HLF: variants seen among roughly 807,000 people sequenced by gnomAD.
The protein encoded by HLF is hepatic leukemia factor.
Under a neutral mutation model 22.6 loss-of-function variants are expected in HLF, and 3 were observed. The ratio of observed to expected loss-of-function variants is 0.13; its 90% CI spans 0.06 to 0.34. The LOEUF (loss-of-function observed/expected upper bound fraction) is 0.34. Among genes scored for constraint, HLF ranks in the 10% least tolerant of loss-of-function variants. The pLI, the probability that HLF is intolerant of heterozygous loss-of-function variation, is 1.00. For synonymous variants in HLF, 151 were observed against 151.8 expected, an observed-to-expected ratio of 0.99 and a Z score of 0.04; for missense variants, 299 against 389.2, an observed-to-expected ratio of 0.77 and a Z score of 1.95.
intron 2 of HLF, among the ~76,000 whole-genome samples, chr17:55,277,780 G>C (rs1325214552): frequency 1.3e-5 from 2 of 152,140 alleles, no homozygotes; most frequent in African/African-American, 2.4e-5. Context: ...TGTCAAGGTG[G>C]GCAATTTCAC....
At chr17:55,291,504 C>T (rs1228433094) in intron 2 of HLF, among the ~76,000 whole-genome samples, 7 of 152,206 alleles carry the variant, frequency 4.6e-5, no homozygotes, top group Admixed American at 3.3e-4. Context: ...TTTGAGCCCA[C>T]TGTTAAGACC....
intron 2 of HLF, among the ~76,000 whole-genome samples, chr17:55,313,359 CGTGTGTGT>C (rs58593405): frequency 5.4e-5 from 8 of 147,130 alleles, no homozygotes; most frequent in African/African-American, 2.0e-4. Flanking sequence ...GAGGTGTGTG[CGTGTGTGT>C]GTGTGTGTGT....
At chr17:55,301,145 A>G (rs543361016) in intron 2 of HLF, among the ~76,000 whole-genome samples, 1 of 152,348 alleles carries the variant, frequency 6.6e-6, no homozygotes, top group South Asian at 2.1e-4. Context: ...CTCCAAAGAT[A>G]GGGATTTGTG....
chr17:55,268,880 G>A (rs373376976), intron 2 of HLF, among the ~76,000 whole-genome samples: 22 of 152,208 alleles, frequency 1.4e-4, no homozygotes, highest in African/African-American at 5.1e-4. Context: ...AAAACCCACT[G>A]CTAATGCTCA....
intron 2 of HLF, among the ~76,000 whole-genome samples, chr17:55,297,531 T>C (rs1307751819): frequency 6.6e-6 from 1 of 151,950 alleles, no homozygotes; most frequent in African/African-American, 2.4e-5. Context: ...CTTAGGAAAT[T>C]AGGGTGGTTA....
chr17:55,287,186 TACATTGAA>T (rs1317468616), intron 2 of HLF, among the ~76,000 whole-genome samples: 1 of 152,240 alleles, frequency 6.6e-6, no homozygotes, highest in African/African-American at 2.4e-5. Flanking sequence ...AGTCACCCTG[TACATTGAA>T]AGAGGTCTTC....
chr17:55,297,738 C>CTTTTTTT (rs34900287), intron 2 of HLF, among the ~76,000 whole-genome samples: 88 of 62,868 alleles, frequency 1.4e-3, no homozygotes, highest in East Asian at 4.1e-3. Flanking sequence ...AACAGCATTT[C>CTTTTTTT]TTTTTTTTTT....
At chr17:55,278,002 A>G (rs1347506485) in intron 2 of HLF, among the ~76,000 whole-genome samples, 2 of 151,992 alleles carry the variant, frequency 1.3e-5, no homozygotes, top group African/African-American at 2.4e-5. Context: ...ATCCAATCTC[A>G]TTTTCTTTCC....
intron 2 of HLF, among the ~76,000 whole-genome samples, chr17:55,286,798 G>A (rs895243957): frequency 1.8e-4 from 27 of 152,260 alleles, no homozygotes; most frequent in African/African-American, 6.3e-4. Flanking sequence ...ATCCAGCCAA[G>A]CAACAACCAA....
At chr17:55,296,244 C>T (rs148308031) in intron 2 of HLF, among the ~76,000 whole-genome samples, 15 of 152,178 alleles carry the variant, frequency 9.9e-5, no homozygotes, top group African/African-American at 3.4e-4. Context: ...CTGGACCAGT[C>T]GTTCTCAATC....
intron 2 of HLF, chr17:55,289,097 C>A: frequency 5.2e-6 from 1 of 193,104 alleles, no homozygotes; most frequent in Non-Finnish European, 9.5e-6. Context: ...AGGAGAATGC[C>A]TCTTCTCTCC....
chr17:55,269,262 A>G lies in HLF; in HGVS notation c.451+1176A>G, dbSNP rs182147098. 3.3e-5 allele frequency among the ~76,000 whole-genome samples: 5 copies of G among 152,280 alleles called. No individual in the cohort carries two copies. The East Asian group carries it at 7.7e-4, about 23-fold the overall frequency. ...CCTCTGTGTGCTGGCCCCTTCTCCA[A>G]AATTCACTTTGAATTATAACTCAAG... On this transcript the variant is annotated intron_variant, in intron 2 of 3. Coordinates refer to ENST00000226067, the MANE Select transcript of HLF (RefSeq NM_002126.5).
chr17:55,302,604 C>T (rs539962104), intron 2 of HLF, among the ~76,000 whole-genome samples: 8 of 152,226 alleles, frequency 5.3e-5, no homozygotes, highest in African/African-American at 1.9e-4. Flanking sequence ...AATATTGTCG[C>T]TGATTTCGTC....
At position 55,303,458 on chromosome 17, in the gene HLF, CTT is replaced by C. The variant is rs1904393007; in HGVS notation, c.452-11767_452-11766del. ...CCCTTCTCCCACCATAGTTCTGTAA[CTT>C]TGGGATGGAGTGAGAAGCATGGCAT... On this transcript the variant is annotated intron_variant, in intron 2 of 3. Transcript: ENST00000226067. Among the ~76,000 whole-genome samples the C allele has an allele frequency of 2.0e-5, 3 of 152,174 alleles. No individual in the cohort carries two copies. The South Asian group carries it at 6.2e-4, about 32-fold the overall frequency.
intron 2 of HLF, among the ~76,000 whole-genome samples, chr17:55,284,972 CT>C (rs1201050474): frequency 2.0e-5 from 3 of 152,176 alleles, no homozygotes; most frequent in African/African-American, 4.8e-5. Flanking sequence ...CAATGGATCT[CT>C]TTTGAGGCCA....
chr17:55,299,091 T>C (rs996754058), intron 2 of HLF, among the ~76,000 whole-genome samples: 7 of 152,224 alleles, frequency 4.6e-5, no homozygotes, highest in African/African-American at 1.4e-4. Flanking sequence ...AAGCAGACAC[T>C]GAAGTGCCCA....
intron 3 of HLF, 30 bp downstream of exon 3, chr17:55,315,477 G>T (rs1454288636): frequency 6.5e-7 from 1 of 1,530,606 alleles, no homozygotes; most frequent in Non-Finnish European, 9.1e-7. Context: ...CAGTCTTTGG[G>T]CAAATGGAGA....
chr17:55,309,963 G>T (rs568087613), intron 2 of HLF, among the ~76,000 whole-genome samples: 1 of 152,298 alleles, frequency 6.6e-6, no homozygotes, highest in East Asian at 1.9e-4. Context: ...TTCATTGATG[G>T]CTGCTTGCTA....
chr17:55,296,529 G>A (rs2081113177), intron 2 of HLF, among the ~76,000 whole-genome samples: 1 of 152,120 alleles, frequency 6.6e-6, no homozygotes, highest in Non-Finnish European at 1.5e-5. Flanking sequence ...ACAATACATA[G>A]TGTTATGCAT....
Sources: gnomAD v4.1 joint callset for allele counts (sites outside exome capture counted in the v4.1 genomes callset) on GRCh38, gnomAD v4.1.1 for gene constraint, MANE v1.5 for transcripts, NCBI Gene and HGNC (gene_info 2026-07-23, HGNC 2026-07-21) for gene names.